SP3: variants seen among roughly 807,000 people sequenced by gnomAD.
The protein encoded by SP3 is Sp3 transcription factor.
A neutral mutation model predicts 70.3 loss-of-function variants in SP3; 10 were observed. That is an observed-to-expected ratio of 0.14 (90% CI 0.09 to 0.24). The LOEUF (loss-of-function observed/expected upper bound fraction) is 0.24. Ranked by LOEUF, SP3 falls within the 10% of genes least tolerant of loss-of-function variation. SP3 has a pLI of 1.00. For missense variants in SP3, 825 were observed against 914.6 expected, an observed-to-expected ratio of 0.90 and a Z score of 1.26; for synonymous variants, 402 against 333.5, an observed-to-expected ratio of 1.21 and a Z score of -2.24.
Position 173,957,840 on chromosome 2 carries a change from G to A in SP3, c.280-1608C>T, listed in dbSNP as rs1029475202. Reference sequence around the variant, plus strand: ...CTCTAGGCCTGAACTATAAAATAGCGATCTGTCTTAAATACACTTAAATTA... The same window carrying A: ...CTCTAGGCCTGAACTATAAAATAGCAATCTGTCTTAAATACACTTAAATTA... On this transcript the variant is annotated intron_variant, in intron 3 of 6. Transcript: ENST00000310015. 7.2e-5 allele frequency among the ~76,000 whole-genome samples: 11 copies of A among 152,186 alleles called. No homozygotes were observed. In the East Asian group the frequency reaches 9.6e-4, roughly 13 times the overall value.
intron 4 of SP3, among the ~76,000 whole-genome samples, chr2:173,945,439 G>A (rs1425245456): frequency 1.3e-5 from 2 of 151,710 alleles, no homozygotes; most frequent in Non-Finnish European, 2.9e-5. Flanking sequence ...TAAACCTGAA[G>A]GCAAAAAAAT....
rs938261972 is a variant in SP3 at position 173,901,350 on chromosome 2, C to A, written c.*8591G>T. On this transcript the variant is annotated 3_prime_UTR_variant, in exon 7 of 7. Transcript: ENST00000310015. Reference sequence around the variant, plus strand: ...ACCATAAACAAAATTAAAAGATAAGCCTTAGACTGAGAAAAGATACTATCA... The same window carrying A: ...ACCATAAACAAAATTAAAAGATAAGACTTAGACTGAGAAAAGATACTATCA... 1.3e-5 allele frequency among the ~76,000 whole-genome samples: 2 copies of A among 151,796 alleles called. No homozygotes were observed. The highest frequency in any genetic ancestry group is 2.1e-4 in the South Asian group (1 of 4,820).
At chr2:173,940,953 T>C (rs1201897712) in intron 4 of SP3, among the ~76,000 whole-genome samples, 2 of 152,062 alleles carry the variant, frequency 1.3e-5, no homozygotes, top group East Asian at 3.9e-4. Flanking sequence ...GTCCAACCCT[T>C]AAACCTGTGT....
At position 173,906,126 on chromosome 2, in the gene SP3, A is replaced by C. The variant is rs1689312978; in HGVS notation, c.*3815T>G. Among the ~76,000 whole-genome samples the C allele has an allele frequency of 6.6e-6, 1 of 152,076 alleles. No homozygotes were observed. The highest frequency in any genetic ancestry group is 1.5e-5 in the Non-Finnish European group (1 of 68,016). On this transcript the variant is annotated 3_prime_UTR_variant, in exon 7 of 7. Coordinates refer to ENST00000310015, the MANE Select transcript of SP3 (RefSeq NM_003111.5). Reference sequence around the variant, plus strand: ...TTTTGCAATTTGGCAGCCCCTCTTAAAAATTTTTCCACTCTGTCCCTCACA... The same window carrying C: ...TTTTGCAATTTGGCAGCCCCTCTTACAAATTTTTCCACTCTGTCCCTCACA...
chr2:173,955,513 T>A lies in SP3; in HGVS notation c.999A>T (p.Thr333=). The change falls in exon 4 of 7, where the codon ACA becomes ACT. Residue 333 remains threonine, a synonymous_variant. Coordinates refer to ENST00000310015, the MANE Select transcript of SP3 (RefSeq NM_003111.5). ...TAACAGGCAACTGTGATGAAGAGGA[T>A]GTTGGCACAAATAAATCTGTATCAG... The part of the protein sequence containing the change: ...TNTDTDLFVP[T]SSSSQLPVTI... The A allele has an allele frequency of 6.2e-7, 1 of 1,614,164 alleles. No homozygotes were observed. Among genetic ancestry groups the A allele is most frequent in the Non-Finnish European group, 8.5e-7 (1 of 1,180,030 alleles).
rs766409192 is a variant in SP3 at position 173,913,291 on chromosome 2, T to C, written c.1833-25A>G. On this transcript the variant is annotated intron_variant, in intron 5 of 6. Transcript: ENST00000310015. ...TCTAAAAAACACACATAGAATAATA[T>C]ATACTTATATGAAAATATTCAAATG... is the stretch of plus-strand genomic sequence containing the variant. The C allele has an allele frequency of 8.4e-6, 12 of 1,429,474 alleles. No individual in the cohort carries two copies. The Admixed American group carries it at 1.6e-4, about 19-fold the overall frequency. 88.5% of individuals were successfully genotyped at this position (1,429,474 alleles called of 1,614,324 possible). A position where few individuals can be genotyped will look rare whatever the true frequency, so the allele number is the denominator to read the frequency against.
Position 173,906,084 on chromosome 2 carries a change from C to CA in SP3, c.*3856dup, listed in dbSNP as rs1055656312. ...TTCCAAAAAGACTAGGAATCACTGA[C>CA]AAAAAAAATTCTTCTCTTTTGCAAT... On this transcript the variant is annotated 3_prime_UTR_variant, in exon 7 of 7. Transcript: ENST00000310015. Among the ~76,000 whole-genome samples, 5 of 151,996 alleles carry CA rather than the reference C, an allele frequency of 3.3e-5. No individual in the cohort carries two copies. The highest frequency in any genetic ancestry group is 4.1e-4 in the South Asian group (2 of 4,820).
intron 4 of SP3, among the ~76,000 whole-genome samples, chr2:173,946,569 T>C (rs1690545481): frequency 6.6e-6 from 1 of 152,188 alleles, no homozygotes; most frequent in African/African-American, 2.4e-5. Context: ...GGTCTTTGAA[T>C]AATAGTATTT....
At chr2:173,912,300 A>C (rs1462512072) in intron 6 of SP3, among the ~76,000 whole-genome samples, 1 of 152,242 alleles carries the variant, frequency 6.6e-6, no homozygotes, top group African/African-American at 2.4e-5. Context: ...CGTCAGAGAT[A>C]GTTTATTCGC....
chr2:173,951,191 G>T (rs1028579871), intron 4 of SP3, among the ~76,000 whole-genome samples: 2 of 152,184 alleles, frequency 1.3e-5, no homozygotes, highest in Non-Finnish European at 1.5e-5. Context: ...CCTATAGAAC[G>T]CTGTAACATT....
intron 5 of SP3, 50 bp from the exon 6 acceptor site, chr2:173,913,316 G>A (rs1459163946): frequency 1.6e-6 from 2 of 1,285,792 alleles, no homozygotes; most frequent in East Asian, 2.8e-5. Flanking sequence ...ATATTCAAAT[G>A]GACATTACCA....
chr2:173,963,859 G>C lies in SP3; in HGVS notation c.181C>G (p.Leu61Val), dbSNP rs1416641086. The C allele has an allele frequency of 1.3e-6, 2 of 1,509,588 alleles. No homozygotes were observed. The highest frequency in any genetic ancestry group is 2.8e-5 in the East Asian group (1 of 35,946). The allele number at this position is 1,509,588 out of a possible 1,614,324, so 93.5% of individuals were successfully genotyped here. The stretch of plus-strand genomic sequence containing the variant: ...ATCTTGCTGCAGGTAGCGGCCAGCA[G>C]AGCGAGCGGTGACGGCTGAGTGTCC... ...AQDTQPSPLA[L>V]LAATCSKIGP... The change falls in exon 3 of 7, where the codon CTG (leucine) becomes GTG (valine). Residue 61 changes from leucine to valine, a missense_variant. Physicochemically the swap from Leu to Val is conservative, Grantham distance 32 (BLOSUM62 1). This residue lies in a region of SP3 where 678 missense variants were observed against 651.6 expected (regional missense o/e 1.04). Coordinates refer to ENST00000310015, the MANE Select transcript of SP3 (RefSeq NM_003111.5).
At chr2:173,953,772 AAC>A (rs201836130) in intron 4 of SP3, among the ~76,000 whole-genome samples, 1 of 116,452 alleles carries the variant, frequency 8.6e-6, no homozygotes. Context: ...CATCTCAAAA[AAC>A]AAAACAAAAC....
At chr2:173,917,094 A>G (rs940853817) in intron 5 of SP3, among the ~76,000 whole-genome samples, 17 of 152,118 alleles carry the variant, frequency 1.1e-4, no homozygotes, top group Admixed American at 6.6e-5. Context: ...TAAATGTCCT[A>G]TGTGTCTACA....
At chr2:173,935,389 G>A (rs903303502) in intron 4 of SP3, among the ~76,000 whole-genome samples, 1 of 152,116 alleles carries the variant, frequency 6.6e-6, no homozygotes, top group Non-Finnish European at 1.5e-5. Flanking sequence ...AAAATAGTAA[G>A]ACAAAACCAA....
In SP3 at chr2:173,907,566, A is replaced by G. The variant is rs1347109185; in HGVS notation, c.*2375T>C. ...TCTTCATTGCATTCATTCTCCACGA[A>G]TTCATAAAATATGCATGGACACCTA... On this transcript the variant is annotated 3_prime_UTR_variant, in exon 7 of 7. Transcript: ENST00000310015. 2 of 152,074 alleles carry G rather than the reference A, an allele frequency of 1.3e-5. No homozygotes were observed. The highest frequency in any genetic ancestry group is 2.9e-5 in the Non-Finnish European group (2 of 67,964). 9.4% of individuals were successfully genotyped at this position (152,074 alleles called of 1,614,324 possible). A position where few individuals can be genotyped will look rare whatever the true frequency, so the allele number is the denominator to read the frequency against.
At chr2:173,926,947 T>A (rs1047274981) in intron 4 of SP3, among the ~76,000 whole-genome samples, 2 of 152,144 alleles carry the variant, frequency 1.3e-5, no homozygotes, top group Non-Finnish European at 2.9e-5. Context: ...TGGCTCATGG[T>A]TCTGCAGGCT....
intron 4 of SP3, among the ~76,000 whole-genome samples, chr2:173,938,460 A>C (rs1353939797): frequency 9.5e-6 from 1 of 105,028 alleles, no homozygotes; most frequent in African/African-American, 5.4e-5. Flanking sequence ...ACTTTGCCTC[A>C]AAAAAAAAAA....
intron 3 of SP3, among the ~76,000 whole-genome samples, chr2:173,958,150 G>A (rs566698405): frequency 5.9e-5 from 9 of 151,856 alleles, no homozygotes; most frequent in Admixed American, 4.6e-4. Flanking sequence ...AAAATTTACA[G>A]GTATTGAACT....
Sources: allele counts gnomAD v4.1 joint callset (sites outside exome capture counted in the v4.1 genomes callset), GRCh38; gene constraint gnomAD v4.1.1; regional missense constraint gnomAD v4.1.1; transcripts MANE v1.5; gene names NCBI Gene and HGNC (gene_info 2026-07-23, HGNC 2026-07-21).